The following KCTD5 variants were observed in gnomAD, a reference collection of about 807,000 sequenced individuals.
The protein encoded by KCTD5 is BTB/POZ domain-containing protein KCTD5.
KCTD5 carries 12 observed loss-of-function variants against 27.9 expected under a neutral mutation model. The ratio of observed to expected loss-of-function variants is 0.43; its 90% CI spans 0.28 to 0.70. The LOEUF is 0.70. Ranked by LOEUF, KCTD5 falls within the 30% of genes least tolerant of loss-of-function variation. KCTD5 has a pLI of 0.19. For missense variants in KCTD5, 226 were observed against 274.8 expected (o/e 0.82, Z 1.26); for synonymous variants, 147 against 121.4 (o/e 1.21, Z -1.39).
chr16:2,707,246 A>G (rs992169868), intron 5 of KCTD5, 52 bp from the exon 6 acceptor site: 2 of 1,586,106 alleles, frequency 1.3e-6, no homozygotes, highest in Non-Finnish European at 1.7e-6. Flanking sequence ...GCGCCTGGTC[A>G]GGGACACCTC....
chr16:2,700,513 C>T (rs527418399), intron 4 of KCTD5, among the ~76,000 whole-genome samples: 1 of 152,140 alleles, frequency 6.6e-6, no homozygotes, highest in African/African-American at 2.4e-5. Context: ...TCATCGGGGA[C>T]CTCAGGACAC....
chr16:2,689,656 C>G (rs2067556366), intron 1 of KCTD5, among the ~76,000 whole-genome samples: 1 of 151,548 alleles, frequency 6.6e-6, no homozygotes, highest in Non-Finnish European at 1.5e-5. Context: ...CAGTCTCCAC[C>G]CTCATTCCTC....
chr16:2,687,355 C>G (rs757785831), intron 1 of KCTD5, among the ~76,000 whole-genome samples: 1 of 152,212 alleles, frequency 6.6e-6, no homozygotes, highest in African/African-American at 2.4e-5. Flanking sequence ...TCGGCATTCT[C>G]GCCTCCAGAC....
At chr16:2,702,619 G>C in intron 5 of KCTD5, 141 bp downstream of exon 5, 1 of 1,155,586 alleles carries the variant, frequency 8.7e-7, no homozygotes, top group Middle Eastern at 2.9e-4. Context: ...TTGGACACAC[G>C]GTCTCCCGTG....
rs546660122 is a variant in KCTD5, at chr16:2,708,499, G to C, written c.*1172G>C. 1 of 152,330 alleles carries C rather than the reference G, an allele frequency of 6.6e-6. No homozygotes were observed. The highest frequency in any genetic ancestry group is 2.4e-5 in the African/African-American group (1 of 41,468). The allele number at this position is 152,330 out of a possible 1,614,324, so 9.4% of individuals were successfully genotyped here. The stretch of plus-strand genomic sequence containing the variant: ...GGCGGGCTCCAAGCGCTTTGCTTCC[G>C]GAACTCCGGCTTCCCAAGGGGTACT... On this transcript the variant is annotated 3_prime_UTR_variant, in exon 6 of 6. Transcript: ENST00000301738.
intron 3 of KCTD5, among the ~76,000 whole-genome samples, chr16:2,698,450 C>T (rs550421055): frequency 1.1e-4 from 17 of 152,212 alleles, no homozygotes; most frequent in South Asian, 1.0e-3. Context: ...AGGGGCGGCT[C>T]GCCACAGACA....
At chr16:2,692,622 G>A (rs1402766966) in intron 1 of KCTD5, among the ~76,000 whole-genome samples, 1 of 152,226 alleles carries the variant, frequency 6.6e-6, no homozygotes, top group African/African-American at 2.4e-5. Context: ...GGGCAGGCCC[G>A]GAAAACGCAC....
chr16:2,700,018 G>C, intron 4 of KCTD5, 102 bp downstream of exon 4: 1 of 1,091,414 alleles, frequency 9.2e-7, no homozygotes. Flanking sequence ...CTTTGCTGCT[G>C]GCGTCTTCCT....
At position 2,708,773 on chromosome 16, in the gene KCTD5, A is replaced by G. The variant is rs1277026248; in HGVS notation, c.*1446A>G. ...AGACTTAGCCCCAGCAGAGCCTGGG[A>G]GGAAGGCGGCCGCTGGGGCTCCTGG... is the stretch of plus-strand genomic sequence containing the variant. On this transcript the variant is annotated 3_prime_UTR_variant, in exon 6 of 6. Coordinates refer to ENST00000301738, the MANE Select transcript of KCTD5 (RefSeq NM_018992.4). 1 of 152,198 alleles carries G rather than the reference A, an allele frequency of 6.6e-6. No individual in the cohort carries two copies. Among genetic ancestry groups the G allele is most frequent in the Non-Finnish European group, 1.5e-5 (1 of 68,032 alleles). The allele number at this position is 152,198 out of a possible 1,614,324, so 9.4% of individuals were successfully genotyped here. A position where few individuals can be genotyped will look rare whatever the true frequency, so the allele number is the denominator to read the frequency against.
chr16:2,683,096 C>T (rs1174827512), intron 1 of KCTD5: 15 of 358,376 alleles, frequency 4.2e-5, no homozygotes, highest in Non-Finnish European at 5.6e-5. Context: ...GCTTCCTAGA[C>T]CCCGGACTTT....
chr16:2,698,871 G>C (rs2067598535), intron 3 of KCTD5, among the ~76,000 whole-genome samples: 1 of 152,182 alleles, frequency 6.6e-6, no homozygotes, highest in African/African-American at 2.4e-5. Flanking sequence ...TGTCCAGTCT[G>C]CTTTTTTCCC....
At position 2,692,078 on chromosome 16, in the gene KCTD5, G is replaced by A. The variant is rs541694166; in HGVS notation, c.253-3857G>A. On this transcript the variant is annotated intron_variant, in intron 1 of 5. Coordinates refer to ENST00000301738, the MANE Select transcript of KCTD5 (RefSeq NM_018992.4). ...GCAGAGCCTAGCCACTGTGGCCAGA[G>A]CTCTCACTGCCAGCAGGATCTCTCT... Among the ~76,000 whole-genome samples, 4 of 152,338 alleles carry A rather than the reference G, an allele frequency of 2.6e-5. No homozygotes were observed. In the South Asian group the frequency reaches 6.2e-4, roughly 24 times the overall value.
intron 5 of KCTD5, among the ~76,000 whole-genome samples, chr16:2,706,170 C>T (rs1596227025): frequency 6.6e-6 from 1 of 152,258 alleles, no homozygotes; most frequent in East Asian, 1.9e-4. Flanking sequence ...TGGGGGGCAC[C>T]CGCCTGGGAA....
chr16:2,698,124 T>A, intron 3 of KCTD5, 127 bp downstream of exon 3: 1 of 649,758 alleles, frequency 1.5e-6, no homozygotes, highest in South Asian at 1.9e-5. Context: ...CTGAGACCCT[T>A]GTCCTCTGTC....
In KCTD5 at chr16:2,706,157, G is replaced by C. The variant is rs576368633; in HGVS notation, c.676-1141G>C. 2.6e-5 allele frequency among the ~76,000 whole-genome samples: 4 copies of C among 152,326 alleles called. No homozygotes were observed. The South Asian group carries it at 8.3e-4, about 32-fold the overall frequency. On this transcript the variant is annotated intron_variant, in intron 5 of 5. Transcript: ENST00000301738. The stretch of plus-strand genomic sequence containing the variant: ...AGCTAGAAGTGGTCCAGGGCACTGA[G>C]CCTGGGGGGCACCCGCCTGGGAACG...
Position 2,704,738 on chromosome 16 carries a change from C to T in KCTD5, c.675+2260C>T, listed in dbSNP as rs770600144. 5.3e-4 allele frequency among the ~76,000 whole-genome samples: 80 copies of T among 152,186 alleles called. 1 individual carries two copies. Among genetic ancestry groups the T allele is most frequent in the Admixed American group, 1.5e-3 (23 of 15,284 alleles). On this transcript the variant is annotated intron_variant, in intron 5 of 5. Coordinates refer to ENST00000301738, the MANE Select transcript of KCTD5 (RefSeq NM_018992.4). ...CACCGCCTGCCCCCGTGGCTGATCC[C>T]TCCTGTGACCCAGGGCCCCACCCTC...
At chr16:2,703,953 T>A (rs2067623641) in intron 5 of KCTD5, among the ~76,000 whole-genome samples, 1 of 152,214 alleles carries the variant, frequency 6.6e-6, no homozygotes, top group Non-Finnish European at 1.5e-5. Flanking sequence ...ATCGTAGGGC[T>A]CTTTTCTAAA....
In KCTD5 at chr16:2,707,464, T is replaced by C. The variant is rs777335281; in HGVS notation, c.*137T>C. ...TAGAGATCTGGGTGTGAATCCTTTT[T>C]TGCCTCTGAGGTGGGTGGTGAGAGA... On this transcript the variant is annotated 3_prime_UTR_variant, in exon 6 of 6. Coordinates refer to ENST00000301738, the MANE Select transcript of KCTD5 (RefSeq NM_018992.4). 5.7e-5 allele frequency: 54 copies of C among 950,426 alleles called. No individual in the cohort carries two copies. The highest frequency in any genetic ancestry group is 2.2e-4 in the Middle Eastern group (1 of 4,548). The allele number at this position is 950,426 out of a possible 1,614,324, so 58.9% of individuals were successfully genotyped here. A position where few individuals can be genotyped will look rare whatever the true frequency, so the allele number is the denominator to read the frequency against.
Position 2,682,684 on chromosome 16 carries a change from G to T in KCTD5, c.136G>T (p.Val46Phe). 1 of 1,608,928 alleles carries T rather than the reference G, an allele frequency of 6.2e-7. No individual in the cohort carries two copies. Among genetic ancestry groups the T allele is most frequent in the Non-Finnish European group, 8.5e-7 (1 of 1,178,448 alleles). Residue 46 changes from valine (V) to phenylalanine (F), a missense_variant, in exon 1 of 6, where the codon GTC becomes TTC. By Grantham distance (50) the Val-to-Phe change is conservative. This residue lies in a region of KCTD5 where 135 missense variants were observed against 207.0 expected (regional missense o/e 0.65). Coordinates refer to ENST00000301738, the MANE Select transcript of KCTD5 (RefSeq NM_018992.4). The part of the protein sequence containing the change: ...AQRPGSVSKW[V>F]RLNVGGTYFL... Reference sequence around the variant, plus strand: ...GCGCCCTGGCAGCGTGTCCAAGTGGGTCCGACTCAACGTCGGCGGCACCTA... The same window carrying T: ...GCGCCCTGGCAGCGTGTCCAAGTGGTTCCGACTCAACGTCGGCGGCACCTA...
Sources: gnomAD v4.1 joint callset for allele counts (sites outside exome capture counted in the v4.1 genomes callset) on GRCh38, gnomAD v4.1.1 for gene constraint, gnomAD v4.1.1 regional missense constraint, MANE v1.5 for transcripts, NCBI Gene and HGNC (gene_info 2026-07-23, HGNC 2026-07-21) for gene names.